Variants in CAST observed in about 807,000 individuals in gnomAD.
CAST encodes calpastatin.
CAST carries 76 observed loss-of-function variants against 119.6 expected under a neutral mutation model. That is an observed-to-expected ratio of 0.64 (90% confidence interval 0.53 to 0.77). CAST has a LOEUF of 0.77. CAST is among the 30% of genes least tolerant of loss of function. The pLI, the probability that CAST is intolerant of heterozygous loss-of-function variation, is 0.00. For missense variants in CAST, 953 were observed against 946.5 expected (o/e 1.01, Z -0.09); for synonymous variants, 319 against 331.6 (o/e 0.96, Z 0.41).
chr5:96,719,882 C>T (rs1012893994), intron 3 of CAST, among the ~76,000 whole-genome samples: 1 of 152,120 alleles, frequency 6.6e-6, no homozygotes, highest in Non-Finnish European at 1.5e-5. Flanking sequence ...CCTGAGCGAT[C>T]CCTCCTTATC....
the CAST span, among the ~76,000 whole-genome samples, chr5:96,122,126 G>C: frequency 6.6e-6 from 1 of 152,094 alleles, no homozygotes; most frequent in South Asian, 2.1e-4. Context: ...ATAGGATACT[G>C]TTGAACAATG....
chr5:96,148,066 T>C, the CAST span, among the ~76,000 whole-genome samples: 1 of 152,170 alleles, frequency 6.6e-6, no homozygotes, highest in Non-Finnish European at 1.5e-5. Flanking sequence ...CTTCACAAAA[T>C]TGACACTGTG....
the CAST span, among the ~76,000 whole-genome samples, chr5:96,279,171 TCA>T: frequency 1.3e-5 from 2 of 152,192 alleles, no homozygotes; most frequent in Non-Finnish European, 2.9e-5. Flanking sequence ...ATGGAAGAAA[TCA>T]CACACTCTGC....
the CAST span, chr5:95,961,738 T>C: frequency 5.1e-6 from 8 of 1,580,404 alleles, no homozygotes; most frequent in Middle Eastern, 2.1e-4. Flanking sequence ...CTCCCCGGGG[T>C]GCCGCCGCCG....
chr5:96,194,357 T>C, the CAST span, among the ~76,000 whole-genome samples: 1 of 152,204 alleles, frequency 6.6e-6, no homozygotes, highest in Non-Finnish European at 1.5e-5. Context: ...GCCCTGGGAA[T>C]CTGCATGTTC....
chr5:96,037,961 G>A, the CAST span, among the ~76,000 whole-genome samples: 1 of 152,104 alleles, frequency 6.6e-6, no homozygotes, highest in Non-Finnish European at 1.5e-5. Context: ...ACTATCTTCA[G>A]ATTCATCGCA....
At chr5:96,461,314 C>T in the CAST span, among the ~76,000 whole-genome samples, 2 of 152,094 alleles carry the variant, frequency 1.3e-5, no homozygotes, top group African/African-American at 4.8e-5. Flanking sequence ...AATAATGCTA[C>T]TATGAACATG....
chr5:96,580,940 C>A (rs2607163), intron 1 of CAST, among the ~76,000 whole-genome samples: 8,183 of 152,218 alleles, frequency 0.054, 277 homozygotes, highest in South Asian at 0.11. Context: ...CTCAATTGTC[C>A]CTTGCTCCAT....
At chr5:96,269,489 AC>A in the CAST span, among the ~76,000 whole-genome samples, 1 of 152,170 alleles carries the variant, frequency 6.6e-6, no homozygotes, top group Non-Finnish European at 1.5e-5. Context: ...AGAAAATTTC[AC>A]CCAGCTGCTA....
At chr5:96,705,918 G>T (rs1754875907) in intron 3 of CAST, among the ~76,000 whole-genome samples, 1 of 152,146 alleles carries the variant, frequency 6.6e-6, no homozygotes, top group Admixed American at 6.5e-5. Flanking sequence ...ACTTTTCAAA[G>T]AATGAGCTTC....
At chr5:96,103,361 C>T in the CAST span, among the ~76,000 whole-genome samples, 1 of 128,448 alleles carries the variant, frequency 7.8e-6, no homozygotes, top group East Asian at 2.6e-4. Context: ...CCCCCCACCC[C>T]ACAACAGTCC....
the CAST span, among the ~76,000 whole-genome samples, chr5:96,308,092 T>C: frequency 3.3e-5 from 5 of 152,192 alleles, no homozygotes; most frequent in Non-Finnish European, 7.3e-5. Context: ...GGTACACCAA[T>C]CAAACGTAGA....
chr5:96,707,257 G>C (rs1172384458), intron 3 of CAST, among the ~76,000 whole-genome samples: 2 of 151,974 alleles, frequency 1.3e-5, no homozygotes, highest in African/African-American at 4.8e-5. Context: ...GTTGCCATTT[G>C]TTTTCCTACA....
chr5:96,410,736 C>T, the CAST span: 1 of 1,515,838 alleles, frequency 6.6e-7, no homozygotes, highest in East Asian at 2.3e-5. Context: ...GCCACGCTCT[C>T]CTAACTAAGC....
intron 19 of CAST, among the ~76,000 whole-genome samples, chr5:96,749,694 A>G (rs1411537087): frequency 6.6e-6 from 1 of 152,072 alleles, no homozygotes; most frequent in African/African-American, 2.4e-5. Context: ...CTACAGGTGC[A>G]TGCCACCATG....
the CAST span, among the ~76,000 whole-genome samples, chr5:96,294,566 T>C: frequency 6.6e-6 from 1 of 152,236 alleles, no homozygotes; most frequent in South Asian, 2.1e-4. Flanking sequence ...TCTCTGAACA[T>C]TTCCCTTTGC....
the CAST span, among the ~76,000 whole-genome samples, chr5:96,468,064 C>T: frequency 1.3e-5 from 2 of 151,916 alleles, no homozygotes; most frequent in Admixed American, 6.6e-5. Flanking sequence ...CCAAAAAAAG[C>T]CTCCAGCACT....
the CAST span, among the ~76,000 whole-genome samples, chr5:96,473,235 T>G: frequency 2.0e-5 from 3 of 152,186 alleles, no homozygotes; most frequent in African/African-American, 7.2e-5. Context: ...TCATGGATCT[T>G]ACAACTGAGG....
Position 96,676,715 on chromosome 5 carries a change from A to AT in CAST, c.138+1116dup, listed in dbSNP as rs1750752798. 2.6e-5 allele frequency among the ~76,000 whole-genome samples: 4 copies of AT among 151,240 alleles called. No homozygotes were observed. In the South Asian group the frequency reaches 8.4e-4, roughly 32 times the overall value. On this transcript the variant is annotated intron_variant, in intron 2 of 31. Coordinates refer to ENST00000675179, the MANE Select transcript of CAST (RefSeq NM_001750.7). ...TTAAATTAATAAAAGATAAATTTCC[A>AT]TTAAAAAAAAAAACCACAAATTTTT... is the stretch of plus-strand genomic sequence containing the variant.
Sources: gnomAD v4.1 joint callset for allele counts (sites outside exome capture counted in the v4.1 genomes callset) on GRCh38, gnomAD v4.1.1 for gene constraint, MANE v1.5 for transcripts, NCBI Gene and HGNC (gene_info 2026-07-23, HGNC 2026-07-21) for gene names.